C11orf65: variants seen among roughly 807,000 people sequenced by gnomAD.
C11orf65 encodes the protein chromosome 11 open reading frame 65.
In C11orf65, 38 loss-of-function variants were observed where a neutral mutation model predicts 35.3. The observed-to-expected ratio is 1.08, with a 90% CI of 0.83 to 1.41. The LOEUF is 1.41. Ranked by LOEUF, C11orf65 falls within the 40% of genes most tolerant of loss-of-function variation. The pLI is 0.00. For synonymous variants in C11orf65, 105 were observed against 114.4 expected (o/e 0.92, Z 0.53); for missense variants, 370 against 367.1 (o/e 1.01, Z -0.06).
At chr11:108,404,112 T>C in intron 6 of C11orf65, among the ~76,000 whole-genome samples, 1 of 152,146 alleles carries the variant, frequency 6.6e-6, no homozygotes, top group Non-Finnish European at 1.5e-5. Context: ...AGTCAAACCA[T>C]CCATCAATCA....
rs1322644961 is a variant in C11orf65 at position 108,343,793 on chromosome 11, AC to A, written c.227-8502del. 3.3e-5 allele frequency among the ~76,000 whole-genome samples: 5 copies of A among 152,050 alleles called. No homozygotes were observed. The East Asian group carries it at 9.6e-4, about 29-fold the overall frequency. On this transcript the variant is annotated intron_variant, in intron 2 of 3. Coordinates refer to the C11orf65 transcript ENST00000524755. ...AAGACCCCATCTCTAAAAAACAAAC[AC>A]AGTAAACAACAACAACAACAAGATT...
chr11:108,334,887 A>C, intron 3 of C11orf65: 1 of 1,476,704 alleles, frequency 6.8e-7, no homozygotes, highest in Non-Finnish European at 9.4e-7. Context: ...TTTAATATTA[A>C]AATTGCCATT....
At chr11:108,375,400 A>C (rs1007298831) in intron 2 of C11orf65, among the ~76,000 whole-genome samples, 1 of 151,252 alleles carries the variant, frequency 6.6e-6, no homozygotes, top group African/African-American at 2.4e-5. Context: ...TCATCAGTGA[A>C]GTAGAAATAA....
chr11:108,393,089 G>A (rs775244416), intron 7 of C11orf65, 119 bp downstream of exon 7: 22 of 1,082,732 alleles, frequency 2.0e-5, no homozygotes, highest in Admixed American at 2.4e-5. Context: ...ATAGATACTC[G>A]GGTTTTTTTT....
intron 2 of C11orf65, among the ~76,000 whole-genome samples, chr11:108,449,257 C>G (rs1290813707): frequency 6.6e-6 from 1 of 151,954 alleles, no homozygotes; most frequent in Non-Finnish European, 1.5e-5. Context: ...CTACCAATGA[C>G]TTTCTTCACA....
Position 108,406,881 on chromosome 11 carries a change from T to C in C11orf65, c.311A>G (p.Tyr104Cys). Residue 104 changes from tyrosine to cysteine, a missense_variant, in exon 5 of 9, where the codon TAT (tyrosine) becomes TGT (cysteine). Tyr to Cys is a radical substitution (Grantham distance 194). Coordinates refer to ENST00000393084, the MANE Select transcript of C11orf65 (RefSeq NM_152587.5). ...EDLCANSPRNYAKLPAKHTSH... is the reference protein window; with the variant it reads ...EDLCANSPRNCAKLPAKHTSH... ...TGTATGCTTTGCTGGAAGTTTTGCA[T>C]AATTTCTAGGGCTGTTAGCACAGAG... The C allele has an allele frequency of 6.2e-7, 1 of 1,612,994 alleles. No homozygotes were observed. Among genetic ancestry groups the C allele is most frequent in the Non-Finnish European group, 8.5e-7 (1 of 1,179,082 alleles).
rs1361261201 is a variant in C11orf65 at position 108,331,425 on chromosome 11, G to GAA, written c.*124_*125insTT. ...GAAATACCTTGTTTCTTAATTTTGT[G>GAA]TCTTTTTTTTAATGGTAGAGAGACG... On this transcript the variant is annotated 3_prime_UTR_variant, in exon 4 of 4. Coordinates refer to the C11orf65 transcript ENST00000524755. The GAA allele has an allele frequency of 3.1e-6, 5 of 1,607,644 alleles. No individual in the cohort carries two copies. In the African/African-American group the frequency reaches 4.0e-5, roughly 13 times the overall value.
chr11:108,329,104 C>G (rs2136415246), downstream of C11orf65: 1 of 1,613,974 alleles, frequency 6.2e-7, no homozygotes, highest in Non-Finnish European at 8.5e-7. Context: ...TCTCATTAGC[C>G]CGGTTTTCAG....
intron 2 of C11orf65, among the ~76,000 whole-genome samples, chr11:108,337,710 A>G (rs1161738688): frequency 6.6e-6 from 1 of 152,256 alleles, no homozygotes; most frequent in Non-Finnish European, 1.5e-5. Flanking sequence ...CAGATAATGT[A>G]GAGATTGCTA....
At chr11:108,464,246 A>G (rs1427097169) in intron 1 of C11orf65, among the ~76,000 whole-genome samples, 1 of 152,048 alleles carries the variant, frequency 6.6e-6, no homozygotes, top group Admixed American at 6.6e-5. Flanking sequence ...TTTGTAGGAT[A>G]GTTTTTACAA....
intron 2 of C11orf65, chr11:108,336,138 AGT>A: frequency 1.8e-6 from 1 of 546,954 alleles, no homozygotes; most frequent in African/African-American, 1.9e-5. Context: ...CTTGACAAAA[AGT>A]TAAAAAAAAA....
chr11:108,464,240 T>C (rs1025761653), intron 1 of C11orf65, among the ~76,000 whole-genome samples: 1 of 152,064 alleles, frequency 6.6e-6, no homozygotes. Flanking sequence ...ACAATTTTTG[T>C]AGGATAGTTT....
chr11:108,352,050 T>G (rs1384269835), intron 2 of C11orf65, among the ~76,000 whole-genome samples: 4 of 152,084 alleles, frequency 2.6e-5, no homozygotes, highest in African/African-American at 7.2e-5. Context: ...CCAAAGGCAT[T>G]AAAGGCAGAA....
At chr11:108,438,954 C>T (rs972338856) in intron 2 of C11orf65, among the ~76,000 whole-genome samples, 5 of 151,652 alleles carry the variant, frequency 3.3e-5, no homozygotes, top group South Asian at 2.1e-4. Context: ...TGCAGTGAAC[C>T]GAGACTGTGC....
At chr11:108,454,647 A>T (rs552021880) in intron 2 of C11orf65, among the ~76,000 whole-genome samples, 23 of 151,914 alleles carry the variant, frequency 1.5e-4, no homozygotes, top group Non-Finnish European at 3.4e-4. Context: ...ACTTTTAGAG[A>T]TGTAGTCTCA....
At chr11:108,444,642 T>A (rs151189228) in intron 2 of C11orf65, among the ~76,000 whole-genome samples, 1 of 152,116 alleles carries the variant, frequency 6.6e-6, no homozygotes, top group Non-Finnish European at 1.5e-5. Context: ...GATGGCCGAA[T>A]AGGAACAGCT....
chr11:108,324,019 A>G (rs1284341965), intron 6 of C11orf65, among the ~76,000 whole-genome samples: 4 of 151,040 alleles, frequency 2.6e-5, no homozygotes, highest in Non-Finnish European at 5.9e-5. Context: ...ACAGGTTTCC[A>G]TCTATGGATT....
chr11:108,378,328 A>T (rs1486593281), downstream of C11orf65, among the ~76,000 whole-genome samples: 3 of 143,266 alleles, frequency 2.1e-5, no homozygotes, highest in East Asian at 6.2e-4. Context: ...ATAATGCTGC[A>T]TATCTACAAC....
intron 2 of C11orf65, among the ~76,000 whole-genome samples, chr11:108,444,774 C>T (rs1011930782): frequency 6.6e-5 from 10 of 152,240 alleles, no homozygotes; most frequent in East Asian, 3.9e-4. Context: ...CTGGGTACAG[C>T]GCACCGTGCA....
Sources: gnomAD v4.1 joint callset for allele counts (sites outside exome capture counted in the v4.1 genomes callset) on GRCh38, gnomAD v4.1.1 for gene constraint, MANE v1.5 for transcripts, NCBI Gene and HGNC (gene_info 2026-07-23, HGNC 2026-07-21) for gene names.